SQOR: variants seen among roughly 807,000 people sequenced by gnomAD.
SQOR encodes sulfide:quinone oxidoreductase, mitochondrial.
In SQOR, 39 loss-of-function variants were observed where a neutral mutation model predicts 48.6. That is an observed-to-expected ratio of 0.80 (90% confidence interval 0.62 to 1.05). SQOR has a LOEUF of 1.05. Among genes scored for constraint, SQOR ranks in the 50% least tolerant of loss-of-function variants. The pLI, the probability that SQOR is intolerant of heterozygous loss-of-function variation, is 0.00. For missense variants in SQOR, 561 were observed against 559.9 expected (o/e 1.00, Z -0.02); for synonymous variants, 220 against 206.2 (o/e 1.07, Z -0.57).
At chr15:45,637,089 C>T (rs181382145) in intron 1 of SQOR, among the ~76,000 whole-genome samples, 5 of 151,612 alleles carry the variant, frequency 3.3e-5, no homozygotes, top group Non-Finnish European at 5.9e-5. Context: ...TCGAGTGATT[C>T]GCCTGCCTCA....
intron 1 of SQOR, among the ~76,000 whole-genome samples, chr15:45,643,371 A>G (rs1168371129): frequency 2.0e-5 from 3 of 151,928 alleles, no homozygotes; most frequent in African/African-American, 4.8e-5. Context: ...AATTTTTTGT[A>G]TTTTTAATAC....
At chr15:45,633,653 C>T (rs1894939593), upstream of SQOR, among the ~76,000 whole-genome samples, 1 of 145,432 alleles carries the variant, frequency 6.9e-6, no homozygotes. Context: ...GAGATCACAC[C>T]ACTGCACTCC....
rs74009674 is a variant in SQOR, at chr15:45,687,742, G to A, written c.1049-595G>A. Among the ~76,000 whole-genome samples, 703 of 146,916 alleles carry A rather than the reference G, an allele frequency of 4.8e-3. 4 individuals carry two copies. The highest frequency in any genetic ancestry group is 0.017 in the African/African-American group (671 of 40,636). On this transcript the variant is annotated intron_variant, in intron 7 of 9. Coordinates refer to ENST00000260324, the MANE Select transcript of SQOR (RefSeq NM_021199.4). ...ATGTATCTATCTGTATCTGTCTGTC[G>A]TTCTGTCTGTCTGTCTGTCTATCTA...
upstream of SQOR, chr15:45,631,603 C>A (rs1894900562): frequency 6.6e-6 from 1 of 152,236 alleles, no homozygotes; most frequent in Non-Finnish European, 1.5e-5. Context: ...GGATCAGCCT[C>A]TTTGCTCTGA....
chr15:45,636,337 A>C (rs1037147954), intron 1 of SQOR, among the ~76,000 whole-genome samples: 4 of 152,152 alleles, frequency 2.6e-5, no homozygotes, highest in Admixed American at 2.6e-4. Context: ...AGTAGTAAAG[A>C]ACATAAACAA....
intron 1 of SQOR, among the ~76,000 whole-genome samples, chr15:45,657,996 TG>T (rs1278056178): frequency 1.3e-5 from 2 of 152,056 alleles, no homozygotes; most frequent in African/African-American, 4.8e-5. Flanking sequence ...GCTTTGTGTG[TG>T]GGGTAAAGCA....
At chr15:45,634,515 G>C (rs1894960765), upstream of SQOR, among the ~76,000 whole-genome samples, 1 of 152,038 alleles carries the variant, frequency 6.6e-6, no homozygotes, top group South Asian at 2.1e-4. Flanking sequence ...CTGCCTGCGC[G>C]TTTTGAAGGA....
At chr15:45,655,235 C>G (rs575338216) in intron 1 of SQOR, among the ~76,000 whole-genome samples, 3 of 152,332 alleles carry the variant, frequency 2.0e-5, no homozygotes, top group South Asian at 2.1e-4. Context: ...TTAGCCAGGC[C>G]TCCTCCTAGA....
intron 1 of SQOR, among the ~76,000 whole-genome samples, chr15:45,651,075 C>T (rs916252801): frequency 6.6e-6 from 1 of 152,200 alleles, no homozygotes; most frequent in Non-Finnish European, 1.5e-5. Context: ...CGGCGCCCAT[C>T]AGGGAGGCTC....
intron 7 of SQOR, among the ~76,000 whole-genome samples, chr15:45,684,231 C>T (rs577468736): frequency 1.3e-5 from 2 of 152,162 alleles, no homozygotes; most frequent in South Asian, 4.1e-4. Flanking sequence ...TGTATATTTT[C>T]CTAAAAATGT....
At chr15:45,677,603 C>T (rs1890059624) in intron 6 of SQOR, among the ~76,000 whole-genome samples, 1 of 152,192 alleles carries the variant, frequency 6.6e-6, no homozygotes, top group South Asian at 2.1e-4. Flanking sequence ...TGAAATAATA[C>T]AGCCCTCTCC....
intron 4 of SQOR, among the ~76,000 whole-genome samples, chr15:45,672,515 C>G (rs1889962812): frequency 2.0e-5 from 3 of 152,130 alleles, no homozygotes. Context: ...GACTCTGTTT[C>G]CTTGAGACCT....
intron 3 of SQOR, 103 bp downstream of exon 3, chr15:45,662,228 C>T (rs1889733500): frequency 8.4e-7 from 1 of 1,187,828 alleles, no homozygotes; most frequent in South Asian, 1.4e-5. Context: ...GGTATATATG[C>T]ATGTGTGTGC....
chr15:45,661,958 C>T lies in SQOR; in HGVS notation c.238C>T (p.His80Tyr). ...CTTCAAATACTTTGTTTCTCAGAGA[C>T]ATTTCTACCAGCCAATCTGGACACT... ...NVAIVEPSERHFYQPIWTLVG... is the reference protein window; with the variant it reads ...NVAIVEPSERYFYQPIWTLVG... Residue 80 changes from histidine to tyrosine, a missense_variant, in exon 3 of 10, where the codon CAT (histidine) becomes TAT (tyrosine). His to Tyr is a moderately conservative substitution (Grantham distance 83). Coordinates refer to ENST00000260324, the MANE Select transcript of SQOR (RefSeq NM_021199.4). 1.2e-6 allele frequency: 2 copies of T among 1,613,812 alleles called. No homozygotes were observed. The highest frequency in any genetic ancestry group is 1.7e-6 in the Non-Finnish European group (2 of 1,179,844).
chr15:45,635,256 T>C (rs1894982349), intron 1 of SQOR, 148 bp downstream of exon 1: 1 of 152,376 alleles, frequency 6.6e-6, no homozygotes, highest in Non-Finnish European at 1.5e-5. Flanking sequence ...CCCCAAACTT[T>C]GCTTCCTCAA....
rs1238432923 is a variant in SQOR at position 45,691,033 on chromosome 15, A to T, written c.*3A>T. Reference sequence around the variant, plus strand: ...TGTTTCATCTAGGTATGAGTTAAGGATGGCTCAGCACTTGCTCATCTTGGA... The same window carrying T: ...TGTTTCATCTAGGTATGAGTTAAGGTTGGCTCAGCACTTGCTCATCTTGGA... On this transcript the variant is annotated 3_prime_UTR_variant, in exon 10 of 10. Coordinates refer to ENST00000260324, the MANE Select transcript of SQOR (RefSeq NM_021199.4). 1.2e-6 allele frequency: 2 copies of T among 1,613,916 alleles called. No individual in the cohort carries two copies. Among genetic ancestry groups the T allele is most frequent in the Admixed American group, 1.7e-5 (1 of 60,012 alleles).
chr15:45,647,779 G>C (rs78820176), intron 1 of SQOR, among the ~76,000 whole-genome samples: 15,571 of 151,930 alleles, frequency 0.1, 1,227 homozygotes, highest in East Asian at 0.46. Context: ...AGCTGGGCGT[G>C]GTTGTGGGTG....
At chr15:45,689,662 C>T (rs76922305) in intron 9 of SQOR, among the ~76,000 whole-genome samples, 23,147 of 151,870 alleles carry the variant, frequency 0.15, 2,146 homozygotes, top group East Asian at 0.42. Context: ...TCAAGTGATC[C>T]GCCCGCCTCG....
At chr15:45,645,324 C>T (rs531643174) in intron 1 of SQOR, among the ~76,000 whole-genome samples, 67 of 152,310 alleles carry the variant, frequency 4.4e-4, no homozygotes, top group African/African-American at 1.5e-3. Flanking sequence ...TTAGACCCGC[C>T]TTCTTAGAGT....
Sources: gnomAD v4.1 joint callset for allele counts (sites outside exome capture counted in the v4.1 genomes callset) on GRCh38, gnomAD v4.1.1 for gene constraint, MANE v1.5 for transcripts, NCBI Gene and HGNC (gene_info 2026-07-23, HGNC 2026-07-21) for gene names.